Variants in SEC14L6 observed in about 807,000 individuals in gnomAD.
SEC14L6 encodes the protein SEC14 like lipid binding 6.
In SEC14L6, 40 loss-of-function variants were observed where a neutral mutation model predicts 54.1. The ratio of observed to expected loss-of-function variants is 0.74; its 90% CI spans 0.57 to 0.96. The LOEUF (loss-of-function observed/expected upper bound fraction) is 0.96. SEC14L6 is among the 40% of genes least tolerant of loss of function. The pLI is 0.00. For synonymous variants in SEC14L6, 171 were observed against 198.4 expected (o/e 0.86, Z 1.16); for missense variants, 471 against 498.3 (o/e 0.95, Z 0.52).
chr22:30,533,602 A>G (rs1231305203), intron 3 of SEC14L6, among the ~76,000 whole-genome samples: 2 of 151,232 alleles, frequency 1.3e-5, no homozygotes, highest in Admixed American at 6.6e-5. Flanking sequence ...CTGTCTCAAA[A>G]AAAAAAAAAA....
At chr22:30,538,980 G>C (rs1177062967) in intron 1 of SEC14L6, 78 bp from the exon 2 acceptor site, 3 of 1,005,542 alleles carry the variant, frequency 3.0e-6, no homozygotes, top group Non-Finnish European at 4.5e-6. Flanking sequence ...CCTTGAGGAA[G>C]GGGATGTCTG....
intron 6 of SEC14L6, among the ~76,000 whole-genome samples, chr22:30,530,410 G>T (rs943193396): frequency 6.6e-6 from 1 of 152,010 alleles, no homozygotes; most frequent in Non-Finnish European, 1.5e-5. Context: ...AAAAACAAAA[G>T]AAAACAAAAA....
chr22:30,541,869 A>G (rs1379324017), intron 1 of SEC14L6, among the ~76,000 whole-genome samples: 1 of 152,198 alleles, frequency 6.6e-6, no homozygotes, highest in African/African-American at 2.4e-5. Flanking sequence ...GTTCACTCTC[A>G]TGGACAAAAA....
At chr22:30,538,685 C>T in intron 2 of SEC14L6, 142 bp downstream of exon 2, 1 of 630,344 alleles carries the variant, frequency 1.6e-6, no homozygotes, top group Non-Finnish European at 2.7e-6. Context: ...AATTCCTGGC[C>T]ACAGAAATCA....
intron 3 of SEC14L6, 179 bp from the exon 4 acceptor site, chr22:30,533,035 T>C: frequency 3.0e-6 from 3 of 985,336 alleles, no homozygotes; most frequent in Non-Finnish European, 3.6e-6. Flanking sequence ...GAAGGGGACA[T>C]GCATCTGAGA....
chr22:30,542,618 G>A (rs954563473), intron 1 of SEC14L6: 34 of 1,533,648 alleles, frequency 2.2e-5, no homozygotes, highest in Non-Finnish European at 2.9e-5. Flanking sequence ...CCGCTGCTCT[G>A]CCTGCTGCTC....
At chr22:30,542,667 G>A in intron 1 of SEC14L6, 1 of 1,514,580 alleles carries the variant, frequency 6.6e-7, no homozygotes, top group Non-Finnish European at 8.9e-7. Flanking sequence ...CGGGTGAGGA[G>A]GAGCTGCAGG....
intron 1 of SEC14L6, among the ~76,000 whole-genome samples, chr22:30,545,082 C>G (rs2085785580): frequency 6.6e-6 from 1 of 152,104 alleles, no homozygotes; most frequent in Non-Finnish European, 1.5e-5. Flanking sequence ...CCCGTCGTTG[C>G]CTCCATGCTC....
chr22:30,539,325 C>G (rs1040621761), intron 1 of SEC14L6, among the ~76,000 whole-genome samples: 3 of 151,876 alleles, frequency 2.0e-5, no homozygotes, highest in African/African-American at 7.3e-5. Flanking sequence ...TGCAGTGAGC[C>G]GAGATCCCAC....
chr22:30,535,007 C>T (rs956571560), intron 2 of SEC14L6, among the ~76,000 whole-genome samples: 8 of 142,984 alleles, frequency 5.6e-5, no homozygotes, highest in African/African-American at 2.1e-4. Flanking sequence ...CCAGCCTAGG[C>T]AACATAGTGA....
In SEC14L6 at chr22:30,529,120, C is replaced by T. The variant is rs752347895; in HGVS notation, c.631G>A (p.Glu211Lys). 2.7e-5 allele frequency: 42 copies of T among 1,551,228 alleles called. No homozygotes were observed. The highest frequency in any genetic ancestry group is 3.3e-5 in the Non-Finnish European group (38 of 1,147,204). The change falls in exon 8 of 12, where the codon GAA (glutamate) becomes AAA (lysine). Residue 211 changes from glutamate to lysine, a missense_variant. By Grantham distance (56) the Glu-to-Lys change is moderately conservative. Transcript: ENST00000402034. ...ATCACCACCTTCCTGCGTGTCTCTT[C>T]ACTCATGTAAGACTTGACCAGGTTG... ...AFNLVKSYMS[E>K]ETRRKVVILG...
intron 8 of SEC14L6, 144 bp from the exon 9 acceptor site, chr22:30,526,076 T>C: frequency 2.0e-6 from 2 of 996,170 alleles, no homozygotes; most frequent in Non-Finnish European, 1.5e-6. Flanking sequence ...AGCAGTCCTG[T>C]CCCAGAAGAG....
chr22:30,525,064 C>G lies in SEC14L6; in HGVS notation c.1127G>C (p.Arg376Pro). 5.8e-6 allele frequency: 9 copies of G among 1,549,992 alleles called. 1 individual carries two copies. In the South Asian group the frequency reaches 9.5e-5, roughly 16 times the overall value. ...CAGTACCTCCACGGTGTAGCTGATG[C>G]GTTTAGAATGAACCAGGCTGTAGGT... Reference protein sequence around the residue: ...YNTYSLVHSKRISYTVEVLLP... With the variant: ...YNTYSLVHSKPISYTVEVLLP... Residue 376 changes from arginine to proline, a missense_variant, in exon 12 of 12, where the codon CGC (arginine) becomes CCC (proline). Coordinates refer to ENST00000402034, the MANE Select transcript of SEC14L6 (RefSeq NM_001193336.4).
chr22:30,540,260 C>A (rs1012698835), intron 1 of SEC14L6, among the ~76,000 whole-genome samples: 1 of 151,946 alleles, frequency 6.6e-6, no homozygotes, highest in African/African-American at 2.4e-5. Context: ...CCAACATGAG[C>A]AATTTTTATT....
chr22:30,530,783 C>T (rs569216825), intron 6 of SEC14L6, among the ~76,000 whole-genome samples: 73 of 152,346 alleles, frequency 4.8e-4, no homozygotes, highest in Non-Finnish European at 8.4e-4. Context: ...GGCTGCCCTG[C>T]GGCCCAGGCC....
intron 1 of SEC14L6, among the ~76,000 whole-genome samples, 185 bp downstream of exon 1, chr22:30,546,444 G>A (rs577499824): frequency 2.0e-4 from 30 of 151,184 alleles, no homozygotes; most frequent in African/African-American, 7.3e-4. Context: ...TGTGGCTTGC[G>A]TTTGTGGTGG....
rs1347664017 is a variant in SEC14L6, at chr22:30,543,025, G to T, written c.54+3604C>A. 1.6e-5 allele frequency: 25 copies of T among 1,600,990 alleles called. No individual in the cohort carries two copies. The Admixed American group carries it at 3.8e-4, about 25-fold the overall frequency. ...GCGTGCCAAACCCTCTGCCCCCGTG[G>T]TATCGGGCCCCGCAGCGAGGGCCAC... On this transcript the variant is annotated intron_variant, in intron 1 of 11. Coordinates refer to ENST00000402034, the MANE Select transcript of SEC14L6 (RefSeq NM_001193336.4).
chr22:30,542,827 C>A, intron 1 of SEC14L6: 2 of 1,596,248 alleles, frequency 1.3e-6, no homozygotes, highest in South Asian at 2.2e-5. Context: ...AAAAGAAGGC[C>A]ACTTCCCCCG....
intron 8 of SEC14L6, 40 bp downstream of exon 8, chr22:30,529,047 G>C (rs762886760): frequency 6.7e-7 from 1 of 1,487,936 alleles, no homozygotes. Context: ...CCTCAGCTCA[G>C]GATCCAGGCT....
Sources: allele counts gnomAD v4.1 joint callset (sites outside exome capture counted in the v4.1 genomes callset), GRCh38; gene constraint gnomAD v4.1.1; transcripts MANE v1.5; gene names NCBI Gene and HGNC (gene_info 2026-07-23, HGNC 2026-07-21).